EFR3A: variants seen among roughly 807,000 people sequenced by gnomAD.
EFR3A encodes EFR3 homolog A, also known as protein EFR3 homolog A.
In EFR3A, 76 loss-of-function variants were observed where a neutral mutation model predicts 104.4. The observed-to-expected ratio is 0.73, with a 90% CI of 0.60 to 0.88. The LOEUF (loss-of-function observed/expected upper bound fraction) is 0.88, where lower values mean the gene tolerates loss of function less well. EFR3A is among the 40% of genes least tolerant of loss of function. EFR3A has a pLI of 0.00. For synonymous variants in EFR3A, 330 were observed against 330.0 expected (o/e 1.00, Z 0.00); for missense variants, 985 against 1,012.5 (o/e 0.97, Z 0.37).
intron 1 of EFR3A, chr8:131,935,586 A>ATAGAAGGTG (rs1817840583): frequency 2.4e-6 from 1 of 411,250 alleles, no homozygotes; most frequent in Non-Finnish European, 4.9e-6. Flanking sequence ...GAATTGCTAC[A>ATAGAAGGTG]TAGAAGGTGT....
intron 8 of EFR3A, among the ~76,000 whole-genome samples, chr8:131,967,759 A>G (rs916203287): frequency 3.3e-5 from 5 of 152,068 alleles, no homozygotes; most frequent in Admixed American, 6.6e-5. Context: ...GTACACATGG[A>G]TAATATTTTC....
chr8:131,996,176 A>T (rs796651514), intron 18 of EFR3A, among the ~76,000 whole-genome samples: 4 of 152,228 alleles, frequency 2.6e-5, no homozygotes, highest in African/African-American at 9.6e-5. Flanking sequence ...TTTGAAAAAT[A>T]AAAATCCGAT....
At chr8:131,924,796 G>C (rs1471617769) in intron 1 of EFR3A, among the ~76,000 whole-genome samples, 4 of 152,020 alleles carry the variant, frequency 2.6e-5, no homozygotes, top group Non-Finnish European at 5.9e-5. Context: ...GTTCATGCTT[G>C]GCTGAGCTCG....
In EFR3A at chr8:131,978,884, C is replaced by T. The variant is rs763283765; in HGVS notation, c.1364C>T (p.Ala455Val). ...TATAAAGCGAAGACGATTGTTACTG[C>T]ACTGCCAGGGTCTTTCCTGGATCCT... ...SGYKAKTIVT[A>V]LPGSFLDPLL... Residue 455 changes from alanine to valine, a missense_variant, in exon 13 of 23, where the codon GCA becomes GTA. By Grantham distance (64) the Ala-to-Val change is moderately conservative. Transcript: ENST00000254624. 3.7e-6 allele frequency: 6 copies of T among 1,610,092 alleles called. No individual in the cohort carries two copies. In the African/African-American group the frequency reaches 8.0e-5, roughly 22 times the overall value.
Position 131,953,813 on chromosome 8 carries a change from T to A in EFR3A, c.489-5T>A, listed in dbSNP as rs769760691. The stretch of plus-strand genomic sequence containing the variant: ...CATTTTCTTCCTTTTTTTTTTTTTT[T>A]ATAGGATACGAATTGCTGGAATTAG... On this transcript the variant is annotated splice_polypyrimidine_tract_variant and splice_region_variant and intron_variant, in intron 5 of 22. Coordinates refer to ENST00000254624, the MANE Select transcript of EFR3A (RefSeq NM_015137.6). 9.4e-6 allele frequency: 14 copies of A among 1,491,236 alleles called. No individual in the cohort carries two copies. Among genetic ancestry groups the A allele is most frequent in the South Asian group, 2.7e-5 (2 of 74,842 alleles). 92.4% of individuals were successfully genotyped at this position (1,491,236 alleles called of 1,614,324 possible).
chr8:132,009,196 A>G (rs1822196915), intron 22 of EFR3A, among the ~76,000 whole-genome samples: 1 of 152,108 alleles, frequency 6.6e-6, no homozygotes, highest in South Asian at 2.1e-4. Context: ...ACTCTTAACC[A>G]TGAGCTAATA....
rs983056068 is a variant in EFR3A, at chr8:132,012,728, G to A, written c.*1833G>A. 6.6e-6 allele frequency: 1 copy of A among 152,298 alleles called. No individual in the cohort carries two copies. Among genetic ancestry groups the A allele is most frequent in the Non-Finnish European group, 1.5e-5 (1 of 67,978 alleles). The allele number at this position is 152,298 out of a possible 1,614,324, so 9.4% of individuals were successfully genotyped here. A position where few individuals can be genotyped will look rare whatever the true frequency, so the allele number is the denominator to read the frequency against. On this transcript the variant is annotated 3_prime_UTR_variant, in exon 23 of 23. Coordinates refer to ENST00000254624, the MANE Select transcript of EFR3A (RefSeq NM_015137.6). ...GTCATTTTATAGATTAACACTGTGT[G>A]CTTTTGTATGGAAAAAATATATATA... is the stretch of plus-strand genomic sequence containing the variant.
At chr8:131,919,062 G>A (rs1816872548) in intron 1 of EFR3A, among the ~76,000 whole-genome samples, 1 of 150,294 alleles carries the variant, frequency 6.7e-6, no homozygotes, top group African/African-American at 2.5e-5. Context: ...CTTTGTTTAA[G>A]CAGACACTGT....
At chr8:132,002,987 C>T (rs550880864) in intron 21 of EFR3A, among the ~76,000 whole-genome samples, 15 of 152,098 alleles carry the variant, frequency 9.9e-5, no homozygotes, top group African/African-American at 3.6e-4. Context: ...GATTTTGCTG[C>T]AGGTATTTTG....
chr8:131,980,017 C>A (rs1159046663), intron 14 of EFR3A, among the ~76,000 whole-genome samples: 1 of 152,062 alleles, frequency 6.6e-6, no homozygotes, highest in Non-Finnish European at 1.5e-5. Flanking sequence ...TATTATTCGT[C>A]CAAAGCTTGG....
In EFR3A at chr8:131,946,505, G is replaced by T. The variant is rs771210555; in HGVS notation, c.238G>T (p.Ala80Ser). The change falls in exon 4 of 23, where the codon GCA (alanine) becomes TCA (serine). Residue 80 changes from alanine (A) to serine (S), a missense_variant. By Grantham distance (99) the Ala-to-Ser change is moderately conservative. Coordinates refer to ENST00000254624, the MANE Select transcript of EFR3A (RefSeq NM_015137.6). ...TAGGTATGTTTTGATTGCTATGGAG[G>T]CACTGGACCAACTTCTCATGGCTTG... is the stretch of plus-strand genomic sequence containing the variant. ...RSGYVLIAME[A>S]LDQLLMACHS... 8.7e-6 allele frequency: 14 copies of T among 1,602,390 alleles called. No individual in the cohort carries two copies. In the Admixed American group the frequency reaches 1.9e-4, roughly 22 times the overall value.
At chr8:131,948,354 T>C (rs1477937877) in intron 4 of EFR3A, among the ~76,000 whole-genome samples, 1 of 152,148 alleles carries the variant, frequency 6.6e-6, no homozygotes, top group Non-Finnish European at 1.5e-5. Flanking sequence ...TCTCACAGGA[T>C]TGTTGTGTGA....
chr8:131,960,803 G>A (rs1487085834), intron 8 of EFR3A, among the ~76,000 whole-genome samples: 1 of 152,122 alleles, frequency 6.6e-6, no homozygotes, highest in African/African-American at 2.4e-5. Flanking sequence ...TTTCTTGAGG[G>A]TAATAAGATG....
At chr8:131,930,926 A>G (rs1817569100) in intron 1 of EFR3A, among the ~76,000 whole-genome samples, 1 of 152,174 alleles carries the variant, frequency 6.6e-6, no homozygotes. Context: ...TATCTATTGC[A>G]TAACTTAGGT....
At position 132,011,566 on chromosome 8, in the gene EFR3A, A is replaced by G; in HGVS notation, c.*671A>G. Reference sequence around the variant, plus strand: ...TATTGTGTTTCCTGCCAAGAGTTTGACCATTCTGCTTGAGAAGTGTAGAGC... The same window carrying G: ...TATTGTGTTTCCTGCCAAGAGTTTGGCCATTCTGCTTGAGAAGTGTAGAGC... On this transcript the variant is annotated 3_prime_UTR_variant, in exon 23 of 23. Coordinates refer to ENST00000254624, the MANE Select transcript of EFR3A (RefSeq NM_015137.6). 1 of 413,634 alleles carries G rather than the reference A, an allele frequency of 2.4e-6. No homozygotes were observed. Among genetic ancestry groups the G allele is most frequent in the Non-Finnish European group, 3.3e-6 (1 of 307,132 alleles). 25.6% of individuals were successfully genotyped at this position (413,634 alleles called of 1,614,324 possible). A position where few individuals can be genotyped will look rare whatever the true frequency, so the allele number is the denominator to read the frequency against.
At chr8:131,960,943 G>A (rs1305729759) in intron 8 of EFR3A, among the ~76,000 whole-genome samples, 1 of 152,124 alleles carries the variant, frequency 6.6e-6, no homozygotes, top group Admixed American at 6.5e-5. Context: ...TGATACCCAG[G>A]CAAACAGGGT....
intron 5 of EFR3A, among the ~76,000 whole-genome samples, chr8:131,950,749 A>G (rs1254303921): frequency 7.9e-5 from 12 of 152,142 alleles, no homozygotes; most frequent in Admixed American, 7.9e-4. Flanking sequence ...TGAGTGAATA[A>G]GTAGATAAAT....
chr8:132,010,439 T>TATATATATATATAGG (rs1563716523), intron 22 of EFR3A, among the ~76,000 whole-genome samples: 5 of 126,722 alleles, frequency 3.9e-5, no homozygotes, highest in African/African-American at 1.5e-4. Context: ...TATATATATA[T>TATATATATATATAGG]ATATATATAT....
Position 131,915,686 on chromosome 8 carries a change from C to T in EFR3A, c.10+11364C>T, listed in dbSNP as rs543246701. Among the ~76,000 whole-genome samples, 5 of 152,186 alleles carry T rather than the reference C, an allele frequency of 3.3e-5. No homozygotes were observed. In the South Asian group the frequency reaches 1.0e-3, roughly 32 times the overall value. ...AGGACAGCTTTCTAAATCCAAGTGCCTTAAAGTATACTACAGATACAGTGG... is the reference window on the plus strand; with the variant it reads ...AGGACAGCTTTCTAAATCCAAGTGCTTTAAAGTATACTACAGATACAGTGG... On this transcript the variant is annotated intron_variant, in intron 1 of 22. Coordinates refer to ENST00000254624, the MANE Select transcript of EFR3A (RefSeq NM_015137.6).
Sources: gnomAD v4.1 joint callset for allele counts (sites outside exome capture counted in the v4.1 genomes callset) on GRCh38, gnomAD v4.1.1 for gene constraint, MANE v1.5 for transcripts, NCBI Gene and HGNC (gene_info 2026-07-23, HGNC 2026-07-21) for gene names.